The following CEP57 variants were observed in gnomAD, a reference collection of about 807,000 sequenced individuals.
CEP57 encodes the protein centrosomal protein 57.
In CEP57, 40 loss-of-function variants were observed where a neutral mutation model predicts 68.0. The ratio of observed to expected loss-of-function variants is 0.59; its 90% CI spans 0.46 to 0.77. The LOEUF is 0.77. Ranked by LOEUF, CEP57 falls within the 30% of genes least tolerant of loss-of-function variation. CEP57 has a pLI of 0.00. For synonymous variants in CEP57, 219 were observed against 198.7 expected, an observed-to-expected ratio of 1.10 and a Z score of -0.86; for missense variants, 606 against 580.7, an observed-to-expected ratio of 1.04 and a Z score of -0.45.
chr11:95,813,832 CTTCT>C (rs1862181630), intron 4 of CEP57, among the ~76,000 whole-genome samples: 4 of 152,154 alleles, frequency 2.6e-5, no homozygotes, highest in South Asian at 2.1e-4. Context: ...GTTATGTTAG[CTTCT>C]TTGAGTCTAC....
chr11:95,826,735 A>G (rs1159448139), intron 8 of CEP57: 2 of 152,212 alleles, frequency 1.3e-5, no homozygotes, highest in Non-Finnish European at 2.9e-5. Context: ...AAATTATTGC[A>G]TATTGAAAGT....
intron 6 of CEP57, 115 bp from the exon 7 acceptor site, chr11:95,821,756 G>C: frequency 2.8e-6 from 2 of 716,876 alleles, no homozygotes; most frequent in South Asian, 1.5e-5. Flanking sequence ...GCTGTAATAT[G>C]TTTTTCAGTT....
At chr11:95,795,947 A>C (rs1209157035) in intron 1 of CEP57, among the ~76,000 whole-genome samples, 2 of 152,204 alleles carry the variant, frequency 1.3e-5, no homozygotes, top group Non-Finnish European at 2.9e-5. Flanking sequence ...ATACATGTCA[A>C]TCTACAAGAC....
intron 3 of CEP57, 38 bp from the exon 4 acceptor site, chr11:95,813,430 G>A (rs1407623539): frequency 6.2e-7 from 1 of 1,603,766 alleles, no homozygotes; most frequent in Non-Finnish European, 8.5e-7. Flanking sequence ...TATTTTATGG[G>A]TGAGTTGATT....
At position 95,827,844 on chromosome 11, in the gene CEP57, A is replaced by C. The variant is rs1862811457; in HGVS notation, c.944A>C (p.Lys315Thr). The C allele has an allele frequency of 1.9e-6, 3 of 1,613,966 alleles. No homozygotes were observed. Among genetic ancestry groups the C allele is most frequent in the Admixed American group, 1.7e-5 (1 of 60,002 alleles). The change falls in exon 9 of 11, where the codon AAG (lysine) becomes ACG (threonine). Residue 315 changes from lysine (K) to threonine (T), a missense_variant. Coordinates refer to ENST00000325542, the MANE Select transcript of CEP57 (RefSeq NM_014679.5). ...ANVQLVLHLM[K>T]QHSKALCNDR... ...GTTCAGCTTGTCTTGCATCTAATGA[A>C]GCAACACAGTAAAGCTTTGTGCAAT...
In CEP57 at chr11:95,813,032, A is replaced by G. The variant is rs775279360; in HGVS notation, c.303A>G (p.Thr101=). The change falls in exon 3 of 11, where the codon ACA becomes ACG. Residue 101 remains threonine, a synonymous_variant. Transcript: ENST00000325542. The part of the protein sequence containing the change: ...EESVKTLSRE[T]IEYKKVLDEQ... Reference sequence around the variant, plus strand: ...GTGTGAAAACCTTGTCTAGAGAAACAATTGAATATAAGAAAGTACTGGATG... The same window carrying G: ...GTGTGAAAACCTTGTCTAGAGAAACGATTGAATATAAGAAAGTACTGGATG... 1.2e-6 allele frequency: 2 copies of G among 1,613,834 alleles called. No individual in the cohort carries two copies. Among genetic ancestry groups the G allele is most frequent in the Non-Finnish European group, 1.7e-6 (2 of 1,179,916 alleles).
chr11:95,816,348 A>G (rs750221565), intron 4 of CEP57, among the ~76,000 whole-genome samples: 5 of 152,200 alleles, frequency 3.3e-5, no homozygotes, highest in Non-Finnish European at 7.3e-5. Context: ...AAATGTGGGG[A>G]TTACAATTTG....
chr11:95,827,870 G>C lies in CEP57; in HGVS notation c.970G>C (p.Asp324His). The change falls in exon 9 of 11, where the codon GAT (aspartate) becomes CAT (histidine). Residue 324 changes from aspartate to histidine, a missense_variant. Physicochemically the swap from Asp to His is moderately conservative, Grantham distance 81 (BLOSUM62 -1). Transcript: ENST00000325542. The part of the protein sequence containing the change: ...MKQHSKALCN[D>H]RVINSIPLAK... ...GCAACACAGTAAAGCTTTGTGCAAT[G>C]ATCGAGTCATCAACAGTATTCCTTT... 1 of 1,614,120 alleles carries C rather than the reference G, an allele frequency of 6.2e-7. No individual in the cohort carries two copies. Among genetic ancestry groups the C allele is most frequent in the East Asian group, 2.2e-5 (1 of 44,874 alleles).
At chr11:95,798,119 CTTAT>C (rs1474145659) in intron 1 of CEP57, among the ~76,000 whole-genome samples, 3 of 152,266 alleles carry the variant, frequency 2.0e-5, no homozygotes, top group African/African-American at 4.8e-5. Context: ...AGACTTAGCA[CTTAT>C]TTATTTGAGT....
In CEP57 at chr11:95,803,569, G is replaced by T. The variant is rs974974400; in HGVS notation, c.202+4181G>T. Among the ~76,000 whole-genome samples the T allele has an allele frequency of 6.3e-5, 4 of 63,984 alleles. No homozygotes were observed. The South Asian group carries it at 1.5e-3, about 25-fold the overall frequency. 42.0% of individuals were successfully genotyped at this position (63,984 alleles called of 152,430 possible). A position where few individuals can be genotyped will look rare whatever the true frequency, so the allele number is the denominator to read the frequency against. On this transcript the variant is annotated intron_variant, in intron 2 of 10. Transcript: ENST00000325542. ...TTACAGGTTTGGCCCCTGCCCCCCC[G>T]CCCCTTAATCTACAACAACATAAAC...
chr11:95,790,800 T>A, intron 1 of CEP57, 57 bp downstream of exon 1: 1 of 1,594,876 alleles, frequency 6.3e-7, no homozygotes, highest in South Asian at 1.1e-5. Context: ...CTCTTTGAGT[T>A]TCCTCACGTT....
chr11:95,808,922 C>A (rs1446316801), intron 2 of CEP57, among the ~76,000 whole-genome samples: 4 of 152,236 alleles, frequency 2.6e-5, no homozygotes, highest in African/African-American at 4.8e-5. Context: ...CACCACATCA[C>A]ACTTATTCCA....
chr11:95,793,339 T>C (rs1290825556), intron 1 of CEP57, among the ~76,000 whole-genome samples: 3 of 152,226 alleles, frequency 2.0e-5, no homozygotes, highest in Admixed American at 2.0e-4. Context: ...AGAATGTCTT[T>C]CATGTCAGCC....
chr11:95,816,154 C>A (rs1348025130), intron 4 of CEP57, among the ~76,000 whole-genome samples: 1 of 152,128 alleles, frequency 6.6e-6, no homozygotes, highest in African/African-American at 2.4e-5. Context: ...GGAAACTTAA[C>A]ACTTATGGTG....
At chr11:95,804,137 A>G (rs1031000295) in intron 2 of CEP57, among the ~76,000 whole-genome samples, 1 of 152,224 alleles carries the variant, frequency 6.6e-6, no homozygotes, top group African/African-American at 2.4e-5. Context: ...TATGCTTTTT[A>G]AGTAAAACCT....
intron 1 of CEP57, among the ~76,000 whole-genome samples, chr11:95,791,930 A>T (rs1861101525): frequency 6.6e-6 from 1 of 152,138 alleles, no homozygotes; most frequent in Non-Finnish European, 1.5e-5. Context: ...AAAAAGAAGG[A>T]TGGTGAGGGA....
intron 2 of CEP57, among the ~76,000 whole-genome samples, chr11:95,805,323 T>C (rs1861751761): frequency 6.6e-6 from 1 of 152,222 alleles, no homozygotes; most frequent in African/African-American, 2.4e-5. Flanking sequence ...AATCTTATAT[T>C]TAGGCTTCTG....
chr11:95,790,548 G>C lies in CEP57; in HGVS notation c.-151G>C, dbSNP rs1860972677. The stretch of plus-strand genomic sequence containing the variant: ...GCGGCCCTGAGGGGGTGTGTTGCAG[G>C]GGTTTCCAAGCCCAGCACCAGCACC... On this transcript the variant is annotated 5_prime_UTR_variant, in exon 1 of 11. Coordinates refer to ENST00000325542, the MANE Select transcript of CEP57 (RefSeq NM_014679.5). The C allele has an allele frequency of 2.3e-6, 2 of 853,842 alleles. No individual in the cohort carries two copies. The highest frequency in any genetic ancestry group is 3.8e-6 in the Non-Finnish European group (2 of 532,474). The allele number at this position is 853,842 out of a possible 1,614,324, so 52.9% of individuals were successfully genotyped here. A position where few individuals can be genotyped will look rare whatever the true frequency, so the allele number is the denominator to read the frequency against.
rs143711180 is a variant in CEP57, at chr11:95,818,882, G to C, written c.677G>C (p.Arg226Pro). 6.2e-7 allele frequency: 1 copy of C among 1,613,896 alleles called. No individual in the cohort carries two copies. The highest frequency in any genetic ancestry group is 8.5e-7 in the Non-Finnish European group (1 of 1,179,882). ...KLHEEEQERK[R>P]MQAKAAELQT... ...CATGAAGAAGAACAGGAAAGGAAAC[G>C]CATGCAAGCTAAGGCAGCTGAGGTA... The change falls in exon 6 of 11, where the codon CGC (arginine) becomes CCC (proline). Residue 226 changes from arginine to proline, a missense_variant. Transcript: ENST00000325542.
Sources: gnomAD v4.1 joint callset for allele counts (sites outside exome capture counted in the v4.1 genomes callset) on GRCh38, gnomAD v4.1.1 for gene constraint, MANE v1.5 for transcripts, NCBI Gene and HGNC (gene_info 2026-07-23, HGNC 2026-07-21) for gene names.